Variants in PPP1R14C observed in about 807,000 individuals in gnomAD.
PPP1R14C encodes the protein protein phosphatase 1 regulatory subunit 14C.
PPP1R14C carries 16 observed loss-of-function variants against 20.4 expected under a neutral mutation model. That is an observed-to-expected ratio of 0.78 (90% confidence interval 0.53 to 1.19). PPP1R14C has a LOEUF of 1.19. Among genes scored for constraint, PPP1R14C ranks in the 50% most tolerant of loss-of-function variants. The probability of loss-of-function intolerance (pLI) is 0.00; values close to 1 mark genes in which losing one functional copy is unlikely to be tolerated. For synonymous variants in PPP1R14C, 91 were observed against 91.0 expected (o/e 1.00, Z 0.00); for missense variants, 211 against 220.1 (o/e 0.96, Z 0.26).
At chr6:150,212,766 A>G (rs1475541835) in intron 1 of PPP1R14C, among the ~76,000 whole-genome samples, 2 of 152,172 alleles carry the variant, frequency 1.3e-5, no homozygotes, top group Non-Finnish European at 2.9e-5. Context: ...CTATGTTTAG[A>G]TGCGCAAATA....
chr6:150,218,798 A>G (rs1383820525), intron 3 of PPP1R14C, among the ~76,000 whole-genome samples: 3 of 152,000 alleles, frequency 2.0e-5, no homozygotes, highest in Non-Finnish European at 2.9e-5. Context: ...GCAGTCGTGC[A>G]TTACCACACC....
chr6:150,145,491 A>T (rs1272018932), intron 1 of PPP1R14C, among the ~76,000 whole-genome samples: 2 of 152,234 alleles, frequency 1.3e-5, no homozygotes, highest in African/African-American at 4.8e-5. Flanking sequence ...TGTAATCACT[A>T]TGCTGGTGGT....
intron 1 of PPP1R14C, among the ~76,000 whole-genome samples, chr6:150,153,745 G>T (rs1367519951): frequency 6.6e-6 from 1 of 152,156 alleles, no homozygotes; most frequent in Non-Finnish European, 1.5e-5. Flanking sequence ...ACCAGAACGT[G>T]GGTGGGTCTC....
intron 1 of PPP1R14C, among the ~76,000 whole-genome samples, chr6:150,202,938 T>C (rs1018144375): frequency 5.3e-5 from 8 of 152,238 alleles, no homozygotes; most frequent in Non-Finnish European, 1.2e-4. Flanking sequence ...TACCCCTTTC[T>C]TTCTCCTCCC....
At chr6:150,215,799 C>G (rs928556707) in intron 2 of PPP1R14C, among the ~76,000 whole-genome samples, 1 of 152,154 alleles carries the variant, frequency 6.6e-6, no homozygotes. Flanking sequence ...CCCCGCACCC[C>G]CCAGTTCCCA....
rs531037303 is a variant in PPP1R14C, at chr6:150,169,752, A to G, written c.306+26254A>G. The stretch of plus-strand genomic sequence containing the variant: ...CCAATACCATGCAACAAACTCCCCC[A>G]CATCTTAGTGGCTTAAGAAATGACT... On this transcript the variant is annotated intron_variant, in intron 1 of 3. Coordinates refer to ENST00000361131, the MANE Select transcript of PPP1R14C (RefSeq NM_030949.3). 9.2e-5 allele frequency among the ~76,000 whole-genome samples: 14 copies of G among 152,334 alleles called. No individual in the cohort carries two copies. The South Asian group carries it at 2.9e-3, about 32-fold the overall frequency.
At chr6:150,218,131 C>T (rs558801989) in intron 3 of PPP1R14C, among the ~76,000 whole-genome samples, 63 of 152,244 alleles carry the variant, frequency 4.1e-4, no homozygotes, top group Middle Eastern at 3.4e-3. Context: ...TGGCCTGTCG[C>T]GGTGGCTCAT....
chr6:150,157,491 C>A (rs950777159), intron 1 of PPP1R14C, among the ~76,000 whole-genome samples: 5 of 152,188 alleles, frequency 3.3e-5, no homozygotes, highest in African/African-American at 1.2e-4. Flanking sequence ...CCTTTATGCC[C>A]TGATTGAGAG....
chr6:150,193,787 G>A (rs538457701), intron 1 of PPP1R14C, among the ~76,000 whole-genome samples: 139 of 152,268 alleles, frequency 9.1e-4, no homozygotes, highest in African/African-American at 3.2e-3. Context: ...ACCATTCATA[G>A]GATGTAGCTC....
At chr6:150,159,547 G>A (rs9384195) in intron 1 of PPP1R14C, among the ~76,000 whole-genome samples, 130,811 of 151,864 alleles carry the variant, frequency 0.86, 56,710 homozygotes, top group African/African-American at 0.96. Context: ...CTGTCAGCCA[G>A]TGCGCTGTCC....
At chr6:150,228,499 A>G (rs537483804) in intron 3 of PPP1R14C, among the ~76,000 whole-genome samples, 2 of 152,296 alleles carry the variant, frequency 1.3e-5, no homozygotes, top group Middle Eastern at 3.4e-3. Flanking sequence ...GATGTGTGAC[A>G]ATATGCAGGA....
intron 1 of PPP1R14C, among the ~76,000 whole-genome samples, chr6:150,157,800 G>T (rs887452289): frequency 6.6e-6 from 1 of 152,226 alleles, no homozygotes; most frequent in Admixed American, 6.5e-5. Flanking sequence ...TCACTGTAGT[G>T]AGAACTGCAC....
chr6:150,211,379 G>A (rs1778023080), intron 1 of PPP1R14C, among the ~76,000 whole-genome samples: 1 of 152,170 alleles, frequency 6.6e-6, no homozygotes, highest in African/African-American at 2.4e-5. Flanking sequence ...GGGGCAGGGA[G>A]TAGCTGATAA....
At chr6:150,222,507 A>C (rs1266679893) in intron 3 of PPP1R14C, among the ~76,000 whole-genome samples, 1 of 152,148 alleles carries the variant, frequency 6.6e-6, no homozygotes, top group Non-Finnish European at 1.5e-5. Context: ...GGTACTGTAC[A>C]TTATGGATTT....
intron 1 of PPP1R14C, among the ~76,000 whole-genome samples, chr6:150,157,243 C>T (rs1777315539): frequency 6.6e-6 from 1 of 152,210 alleles, no homozygotes; most frequent in Admixed American, 6.5e-5. Context: ...AAAACCACAA[C>T]TCCGAGGATG....
intron 1 of PPP1R14C, among the ~76,000 whole-genome samples, chr6:150,147,190 GT>G (rs1274674299): frequency 1.1e-5 from 1 of 92,750 alleles, no homozygotes; most frequent in African/African-American, 4.2e-5. Context: ...TTTTGTTTTT[GT>G]TTTTTTGAGA....
At chr6:150,169,002 A>C (rs962094736) in intron 1 of PPP1R14C, among the ~76,000 whole-genome samples, 3 of 152,084 alleles carry the variant, frequency 2.0e-5, no homozygotes, top group African/African-American at 7.2e-5. Flanking sequence ...TCAGCCTCCC[A>C]AGTAGCTGGG....
At chr6:150,222,128 T>C (rs894409115) in intron 3 of PPP1R14C, among the ~76,000 whole-genome samples, 2 of 125,962 alleles carry the variant, frequency 1.6e-5, no homozygotes, top group Non-Finnish European at 3.3e-5. Context: ...GTGGTAACGA[T>C]AGCAATGATA....
intron 1 of PPP1R14C, among the ~76,000 whole-genome samples, chr6:150,153,918 G>C (rs908555016): frequency 6.6e-6 from 1 of 152,152 alleles, no homozygotes; most frequent in African/African-American, 2.4e-5. Flanking sequence ...GGCAGGAAAG[G>C]GGTTATAAAA....
Sources: gnomAD v4.1 joint callset for allele counts (sites outside exome capture counted in the v4.1 genomes callset) on GRCh38, gnomAD v4.1.1 for gene constraint, MANE v1.5 for transcripts, NCBI Gene and HGNC (gene_info 2026-07-23, HGNC 2026-07-21) for gene names.